TBL1X: variants seen among roughly 807,000 people sequenced by gnomAD.
The protein encoded by TBL1X is F-box-like/WD repeat-containing protein TBL1X.
Under a neutral mutation model 50.7 loss-of-function variants are expected in TBL1X, and 10 were observed. That is an observed-to-expected ratio of 0.20 (90% CI 0.12 to 0.33). The LOEUF is 0.33. Ranked by LOEUF, TBL1X falls within the 10% of genes least tolerant of loss-of-function variation. The probability of loss-of-function intolerance (pLI) is 1.00; values close to 1 mark genes in which losing one functional copy is unlikely to be tolerated. For synonymous variants in TBL1X, 190 were observed against 214.7 expected, an observed-to-expected ratio of 0.88 and a Z score of 1.01; for missense variants, 340 against 504.4, an observed-to-expected ratio of 0.67 and a Z score of 3.12.
intron 2 of TBL1X, among the ~76,000 whole-genome samples, chrX:9,555,692 C>A (rs992643552): frequency 1.8e-5 from 2 of 111,835 alleles, no homozygotes; most frequent in Admixed American, 1.9e-4. Flanking sequence ...TTCTCTATAT[C>A]CTCGCCAACA....
At chrX:9,631,456 T>A (rs1460602125) in intron 2 of TBL1X, among the ~76,000 whole-genome samples, 1 of 112,596 alleles carries the variant, frequency 8.9e-6, no homozygotes, top group Non-Finnish European at 1.9e-5. Context: ...AAATTGCGGC[T>A]TTTTTGTGAC....
chrX:9,506,176 T>C (rs2082025041), intron 2 of TBL1X, among the ~76,000 whole-genome samples: 2 of 111,841 alleles, frequency 1.8e-5, no homozygotes, highest in Non-Finnish European at 3.8e-5. Flanking sequence ...TTCGTGGAAA[T>C]TGAACAACTT....
chrX:9,689,190 C>T (rs1040070685), intron 7 of TBL1X, among the ~76,000 whole-genome samples: 12 of 112,711 alleles, frequency 1.1e-4, no homozygotes, highest in African/African-American at 3.5e-4. Flanking sequence ...TCGGAGCAGC[C>T]ATGCAGCCCA....
chrX:9,500,910 T>C (rs2081997906), intron 1 of TBL1X, among the ~76,000 whole-genome samples: 1 of 112,022 alleles, frequency 8.9e-6, no homozygotes, highest in Admixed American at 9.5e-5. Context: ...GGAGTGCTAC[T>C]GTCATCTAAT....
chrX:9,527,185 A>G (rs2082137083), intron 2 of TBL1X, among the ~76,000 whole-genome samples: 1 of 111,987 alleles, frequency 8.9e-6, no homozygotes. Context: ...GAGGGGGCGC[A>G]GTGTGAGGAG....
chrX:9,558,517 C>CA (rs1245284004), intron 2 of TBL1X, among the ~76,000 whole-genome samples: 24 of 93,797 alleles, frequency 2.6e-4, no homozygotes, highest in East Asian at 2.0e-3. Context: ...AACTCCATCT[C>CA]AAAAAAAAAA....
intron 12 of TBL1X, among the ~76,000 whole-genome samples, chrX:9,703,363 C>T (rs1045662154): frequency 9.0e-6 from 1 of 110,939 alleles, no homozygotes; most frequent in African/African-American, 3.3e-5. Context: ...GCCCTTCTGT[C>T]TCGGCATCGC....
chrX:9,621,370 G>A (rs773480167), intron 2 of TBL1X, among the ~76,000 whole-genome samples: 1 of 112,130 alleles, frequency 8.9e-6, no homozygotes, highest in African/African-American at 3.2e-5. Context: ...ACAGGGACTT[G>A]GAACCTCTTA....
chrX:9,659,368 C>A (rs984726868), intron 5 of TBL1X, among the ~76,000 whole-genome samples: 7 of 70,206 alleles, frequency 1.0e-4, no homozygotes, highest in African/African-American at 3.0e-4. Context: ...ATTGTGTGGT[C>A]CTGAGAGTGT....
chrX:9,495,360 G>A (rs1302440286), intron 1 of TBL1X, among the ~76,000 whole-genome samples: 1 of 110,799 alleles, frequency 9.0e-6, no homozygotes, highest in African/African-American at 3.3e-5. Context: ...GGATGTCTAC[G>A]GAATGTGAAA....
rs1319421511 is a variant in TBL1X at position 9,589,329 on chromosome X, C to T, written c.-130-50944C>T. 4.6e-5 allele frequency among the ~76,000 whole-genome samples: 5 copies of T among 108,764 alleles called. No individual in the cohort carries two copies. The East Asian group carries it at 1.4e-3, about 31-fold the overall frequency. 94.4% of individuals were successfully genotyped at this position (108,764 alleles called of 115,157 possible). ...GTCAAGATGGGGGCAGGGTTGTTTG[C>T]GTCTGGAGCCTCTACAGGAGGATCC... On this transcript the variant is annotated intron_variant, in intron 2 of 17. Transcript: ENST00000645353.
intron 4 of TBL1X, among the ~76,000 whole-genome samples, chrX:9,653,944 G>A (rs909310002): frequency 9.0e-6 from 1 of 111,710 alleles, no homozygotes; most frequent in African/African-American, 3.3e-5. Flanking sequence ...CCTGCTTCTG[G>A]CTTCATTCAT....
intron 1 of TBL1X, among the ~76,000 whole-genome samples, chrX:9,491,306 T>TA (rs2081940254): frequency 1.9e-4 from 10 of 51,909 alleles, no homozygotes; most frequent in Non-Finnish European, 2.9e-4. Flanking sequence ...GCCAGTATAT[T>TA]TATATATATA....
intron 6 of TBL1X, among the ~76,000 whole-genome samples, chrX:9,685,499 C>G (rs1192267926): frequency 2.7e-5 from 3 of 110,326 alleles, no homozygotes; most frequent in Non-Finnish European, 3.8e-5. Context: ...TTCTCCTACT[C>G]TGACCCAGGC....
chrX:9,532,433 G>C (rs767328968), intron 2 of TBL1X, among the ~76,000 whole-genome samples: 1 of 111,610 alleles, frequency 9.0e-6, no homozygotes, highest in East Asian at 2.8e-4. Flanking sequence ...GGGACGTAGC[G>C]GTTAGGGGGC....
At chrX:9,672,815 C>G (rs1430474333) in intron 5 of TBL1X, among the ~76,000 whole-genome samples, 1 of 112,749 alleles carries the variant, frequency 8.9e-6, no homozygotes, top group African/African-American at 3.2e-5. Context: ...ACTTCAAAGA[C>G]AAGCTTCCTC....
At chrX:9,676,756 T>C (rs1369771912) in intron 5 of TBL1X, among the ~76,000 whole-genome samples, 2 of 112,103 alleles carry the variant, frequency 1.8e-5, no homozygotes, top group Non-Finnish European at 3.8e-5. Flanking sequence ...GTTTTTTTCA[T>C]ATAAACACAT....
intron 2 of TBL1X, among the ~76,000 whole-genome samples, chrX:9,513,326 TC>T (rs1367879108): frequency 3.6e-5 from 4 of 110,745 alleles, no homozygotes; most frequent in Non-Finnish European, 7.6e-5. Context: ...AAGCAGAAAT[TC>T]CCCTCACGAG....
At chrX:9,548,363 A>C in intron 2 of TBL1X, among the ~76,000 whole-genome samples, 1 of 111,707 alleles carries the variant, frequency 9.0e-6, no homozygotes, top group Middle Eastern at 4.6e-3. Context: ...TCTTCAGTTC[A>C]TTGCCATTAC....
Sources: allele counts gnomAD v4.1 joint callset (sites outside exome capture counted in the v4.1 genomes callset), GRCh38; gene constraint gnomAD v4.1.1; transcripts MANE v1.5; gene names NCBI Gene and HGNC (gene_info 2026-07-23, HGNC 2026-07-21).